GSK3B: variants seen among roughly 807,000 people sequenced by gnomAD.
GSK3B encodes the protein glycogen synthase kinase-3 beta.
A neutral mutation model predicts 56.4 loss-of-function variants in GSK3B; 15 were observed. The observed-to-expected ratio is 0.27, with a 90% CI of 0.18 to 0.41. The LOEUF is 0.41. Among genes scored for constraint, GSK3B ranks in the 10% least tolerant of loss-of-function variants. The pLI is 1.00. For synonymous variants in GSK3B, 181 were observed against 188.9 expected, an observed-to-expected ratio of 0.96 and a Z score of 0.34; for missense variants, 300 against 513.4, an observed-to-expected ratio of 0.58 and a Z score of 4.02.
At chr3:120,004,174 T>C (rs2057704094) in intron 1 of GSK3B, among the ~76,000 whole-genome samples, 1 of 152,162 alleles carries the variant, frequency 6.6e-6, no homozygotes, top group African/African-American at 2.4e-5. Flanking sequence ...CAACCTAAGA[T>C]GTGGGAGCTT....
At chr3:119,883,652 T>C (rs1176212739) in intron 7 of GSK3B, among the ~76,000 whole-genome samples, 1 of 152,170 alleles carries the variant, frequency 6.6e-6, no homozygotes, top group Non-Finnish European at 1.5e-5. Flanking sequence ...CCCTACTGTG[T>C]TGACCCTTGA....
intron 1 of GSK3B, among the ~76,000 whole-genome samples, chr3:120,027,464 A>G (rs950463370): frequency 2.0e-5 from 3 of 152,186 alleles, no homozygotes; most frequent in African/African-American, 7.2e-5. Context: ...GGCAAAAGAA[A>G]GTAAAAAGAA....
intron 2 of GSK3B, among the ~76,000 whole-genome samples, chr3:119,951,829 G>T (rs1046610242): frequency 4.6e-5 from 7 of 151,720 alleles, no homozygotes; most frequent in African/African-American, 1.7e-4. Flanking sequence ...AATGACAATT[G>T]CACAACACAG....
chr3:120,076,745 C>T (rs1576312802), intron 1 of GSK3B, among the ~76,000 whole-genome samples: 1 of 132,262 alleles, frequency 7.6e-6, no homozygotes, highest in African/African-American at 2.9e-5. Flanking sequence ...ACCCGGGAGG[C>T]GGAGCTTGCA....
chr3:120,091,272 C>CT (rs2058510095), intron 1 of GSK3B, among the ~76,000 whole-genome samples: 1 of 152,110 alleles, frequency 6.6e-6, no homozygotes, highest in South Asian at 2.1e-4. Context: ...TGCTAGCATC[C>CT]TAACAAATGC....
rs888595802 is a variant in GSK3B, at chr3:119,895,850, G to A, written c.813+9905C>T. Among the ~76,000 whole-genome samples the A allele has an allele frequency of 1.2e-4, 18 of 152,204 alleles. No homozygotes were observed. The South Asian group carries it at 1.2e-3, about 11-fold the overall frequency. On this transcript the variant is annotated intron_variant, in intron 7 of 10. Transcript: ENST00000264235. ...TTGAAAACAAGAAGTGTGGCTGGGC[G>A]TGGTGGATCATGCCTGTAATCCCAG...
chr3:119,993,561 T>G lies in GSK3B; in HGVS notation c.282+8485A>C, dbSNP rs549308800. 1.2e-4 allele frequency among the ~76,000 whole-genome samples: 18 copies of G among 152,296 alleles called. No homozygotes were observed. In the South Asian group the frequency reaches 3.5e-3, roughly 30 times the overall value. On this transcript the variant is annotated intron_variant, in intron 2 of 10. Transcript: ENST00000264235. ...AGTGAACTCTTAGTAAGTCCAACTC[T>G]GCCCCCAGGGATATGAGTTAGCAGC...
chr3:119,936,252 C>T (rs910532658), intron 3 of GSK3B, among the ~76,000 whole-genome samples: 7 of 149,064 alleles, frequency 4.7e-5, no homozygotes, highest in Non-Finnish European at 7.4e-5. Flanking sequence ...CTAGCCAGAA[C>T]GGTGTCCAGA....
At chr3:120,012,518 T>C (rs533628135) in intron 1 of GSK3B, among the ~76,000 whole-genome samples, 2 of 152,324 alleles carry the variant, frequency 1.3e-5, no homozygotes, top group African/African-American at 4.8e-5. Context: ...ACTCACATTG[T>C]ACAAATTCCC....
rs557618870 is a variant in GSK3B, at chr3:119,940,121, T to G, written c.366+7147A>C. On this transcript the variant is annotated intron_variant, in intron 3 of 10. Transcript: ENST00000264235. ...GTGTGTGTGTGTGTTTGTGTGTGTGTGTGTGTGTGTGTATACACATGGTGT... is the reference window on the plus strand; with the variant it reads ...GTGTGTGTGTGTGTTTGTGTGTGTGGGTGTGTGTGTGTATACACATGGTGT... Among the ~76,000 whole-genome samples, 3 of 152,000 alleles carry G rather than the reference T, an allele frequency of 2.0e-5. No individual in the cohort carries two copies. In the South Asian group the frequency reaches 6.2e-4, roughly 32 times the overall value.
At chr3:119,940,847 G>A (rs1447459478) in intron 3 of GSK3B, among the ~76,000 whole-genome samples, 1 of 152,074 alleles carries the variant, frequency 6.6e-6, no homozygotes, top group South Asian at 2.1e-4. Flanking sequence ...CTATGGGCAG[G>A]TCACGTCACT....
At chr3:120,009,424 G>A (rs895478242) in intron 1 of GSK3B, among the ~76,000 whole-genome samples, 3 of 152,104 alleles carry the variant, frequency 2.0e-5, no homozygotes, top group Admixed American at 2.0e-4. Context: ...CAAAGAGTTG[G>A]AACCAACCCA....
In GSK3B at chr3:119,824,419, TG is replaced by T; in HGVS notation, c.*2368del. 1 of 216,406 alleles carries T rather than the reference TG, an allele frequency of 4.6e-6. No homozygotes were observed. The highest frequency in any genetic ancestry group is 2.2e-5 in the African/African-American group (1 of 44,454). The allele number at this position is 216,406 out of a possible 1,614,324, so 13.4% of individuals were successfully genotyped here. A position where few individuals can be genotyped will look rare whatever the true frequency, so the allele number is the denominator to read the frequency against. On this transcript the variant is annotated 3_prime_UTR_variant, in exon 11 of 11. Transcript: ENST00000264235. ...TTTCTCTCTTCTTTTACCCCAGTTG[TG>T]GGGGGCAACCTGTTTCCTAAAATAA...
intron 1 of GSK3B, among the ~76,000 whole-genome samples, chr3:120,036,390 C>A (rs1017251515): frequency 6.6e-6 from 1 of 152,176 alleles, no homozygotes; most frequent in African/African-American, 2.4e-5. Flanking sequence ...TTCTGATCAT[C>A]AGTTTTGTTG....
chr3:119,928,327 C>T (rs563116574), intron 3 of GSK3B, among the ~76,000 whole-genome samples: 23 of 152,132 alleles, frequency 1.5e-4, no homozygotes, highest in African/African-American at 5.1e-4. Context: ...GAGGAAAGGC[C>T]GGGCTTGGTG....
chr3:120,014,488 G>C lies in GSK3B; in HGVS notation c.89-12249C>G, dbSNP rs141268999. 2.8e-3 allele frequency among the ~76,000 whole-genome samples: 433 copies of C among 152,268 alleles called. 2 individuals are homozygous for C. Among genetic ancestry groups the C allele is most frequent in the African/African-American group, 9.5e-3 (396 of 41,550 alleles). On this transcript the variant is annotated intron_variant, in intron 1 of 10. Transcript: ENST00000264235. ...ATTTATGATGCGGAAGCTCTAGCCA[G>C]AGTGCACAACTGCTTATATATGTTG...
intron 1 of GSK3B, among the ~76,000 whole-genome samples, chr3:120,032,390 G>T (rs931195518): frequency 6.6e-6 from 1 of 151,768 alleles, no homozygotes; most frequent in Non-Finnish European, 1.5e-5. Flanking sequence ...CAGGAGAATC[G>T]CTTGAACCCA....
At chr3:119,952,537 A>C (rs891031206) in intron 2 of GSK3B, among the ~76,000 whole-genome samples, 3 of 151,508 alleles carry the variant, frequency 2.0e-5, no homozygotes, top group South Asian at 2.1e-4. Flanking sequence ...ATTATCAATG[A>C]ACCCAAAATA....
chr3:119,972,593 G>A (rs2057377838), intron 2 of GSK3B, among the ~76,000 whole-genome samples: 1 of 152,016 alleles, frequency 6.6e-6, no homozygotes, highest in Non-Finnish European at 1.5e-5. Context: ...CTGTCACGAA[G>A]CCCAGCTAAT....
Sources: gnomAD v4.1 joint callset for allele counts (sites outside exome capture counted in the v4.1 genomes callset) on GRCh38, gnomAD v4.1.1 for gene constraint, MANE v1.5 for transcripts, NCBI Gene and HGNC (gene_info 2026-07-23, HGNC 2026-07-21) for gene names.